The following PXYLP1 variants were observed in gnomAD, a reference collection of about 807,000 sequenced individuals.
The protein encoded by PXYLP1 is acid phosphatase-like 2.
PXYLP1 carries 17 observed loss-of-function variants against 37.9 expected under a neutral mutation model. That is an observed-to-expected ratio of 0.45 (90% CI 0.31 to 0.67). The LOEUF is 0.67. Among genes scored for constraint, PXYLP1 ranks in the 30% least tolerant of loss-of-function variants. PXYLP1 has a pLI of 0.07. For missense variants in PXYLP1, 511 were observed against 612.0 expected, an observed-to-expected ratio of 0.84 and a Z score of 1.74; for synonymous variants, 221 against 232.2, an observed-to-expected ratio of 0.95 and a Z score of 0.44.
chr3:141,277,082 A>G (rs1356456558), intron 2 of PXYLP1, among the ~76,000 whole-genome samples: 1 of 151,900 alleles, frequency 6.6e-6, no homozygotes, highest in Non-Finnish European at 1.5e-5. Flanking sequence ...GATATTAATC[A>G]TTTGTCTGTT....
intron 2 of PXYLP1, among the ~76,000 whole-genome samples, chr3:141,275,160 G>A (rs1941762564): frequency 6.6e-6 from 1 of 152,220 alleles, no homozygotes; most frequent in Non-Finnish European, 1.5e-5. Flanking sequence ...AGTAGACACA[G>A]TTGACAGGCC....
At chr3:141,278,239 G>A (rs995858211) in intron 2 of PXYLP1, 103 bp from the exon 3 acceptor site, 61 of 1,330,330 alleles carry the variant, frequency 4.6e-5, no homozygotes, top group Non-Finnish European at 6.3e-5. Context: ...GATTCTCAGT[G>A]TAAGAATAGC....
At chr3:141,290,831 T>C (rs527741640) in intron 5 of PXYLP1, among the ~76,000 whole-genome samples, 32 of 152,228 alleles carry the variant, frequency 2.1e-4, no homozygotes, top group Admixed American at 3.9e-4. Context: ...ACCTTCTTCA[T>C]TGGGTTTTTG....
At chr3:141,279,091 A>AT (rs1941878414) in intron 3 of PXYLP1, among the ~76,000 whole-genome samples, 1 of 152,206 alleles carries the variant, frequency 6.6e-6, no homozygotes, top group African/African-American at 2.4e-5. Flanking sequence ...AGGCCACATT[A>AT]GTAGTCATGC....
At chr3:141,245,071 A>C (rs1940906617) in intron 1 of PXYLP1, among the ~76,000 whole-genome samples, 1 of 92,536 alleles carries the variant, frequency 1.1e-5, no homozygotes, top group Non-Finnish European at 2.0e-5. Context: ...TTTTTTTGAG[A>C]CAGAGTTTTG....
intron 2 of PXYLP1, chr3:141,262,249 A>C (rs1941409120): frequency 1.0e-6 from 1 of 987,632 alleles, no homozygotes; most frequent in African/African-American, 1.7e-5. Context: ...CCAGAATTGG[A>C]AAAGAGGTCA....
chr3:141,292,988 AAGAC>A lies in PXYLP1; in HGVS notation c.1230_1233del (p.Asp410GlufsTer46). The A allele has an allele frequency of 6.2e-7, 1 of 1,614,222 alleles. No individual in the cohort carries two copies. The highest frequency in any genetic ancestry group is 8.5e-7 in the Non-Finnish European group (1 of 1,180,038). On this transcript the variant is annotated frameshift_variant, in exon 6 of 6. Transcript: ENST00000286353. LOFTEE classifies it high-confidence loss of function. This position sits in a 1 kb window ranked among gnomAD's most constrained non-coding sequence, Gnocchi z 4.3. ...GCCAGGTTGATCTTTGAGCTTTGGC[AAGAC>A]AGAGAAAAGCCCAGTGAACATTCCG...
At chr3:141,253,292 C>T (rs1056896202) in intron 1 of PXYLP1, among the ~76,000 whole-genome samples, 1 of 152,064 alleles carries the variant, frequency 6.6e-6, no homozygotes, top group Non-Finnish European at 1.5e-5. Context: ...GAGAAGCAGA[C>T]CCAGACATGG....
At chr3:141,262,248 GA>G in intron 2 of PXYLP1, 1 of 987,740 alleles carries the variant, frequency 1.0e-6, no homozygotes, top group Non-Finnish European at 1.2e-6. Context: ...TCCAGAATTG[GA>G]AAAGAGGTCA....
chr3:141,272,574 GTA>G lies in PXYLP1; in HGVS notation c.80-5758_80-5757del, dbSNP rs562855605. ...GGGACAGAACTAATGGAATATATAC[GTA>G]TATATATATTTATAAAGGGGAGTTT... On this transcript the variant is annotated intron_variant, in intron 2 of 5. Transcript: ENST00000286353. The G allele has an allele frequency of 1.3e-4, 18 of 143,730 alleles. No individual in the cohort carries two copies. The South Asian group carries it at 3.4e-3, about 27-fold the overall frequency. The allele number at this position is 143,730 out of a possible 1,614,324, so 8.9% of individuals were successfully genotyped here.
intron 4 of PXYLP1, among the ~76,000 whole-genome samples, chr3:141,281,907 G>A (rs1941965101): frequency 6.6e-6 from 1 of 152,190 alleles, no homozygotes; most frequent in African/African-American, 2.4e-5. Context: ...GGTTATCTGA[G>A]GCTTCGATAC....
intron 1 of PXYLP1, among the ~76,000 whole-genome samples, chr3:141,244,875 T>C (rs1191144469): frequency 1.3e-5 from 2 of 151,856 alleles, no homozygotes; most frequent in Admixed American, 1.3e-4. Flanking sequence ...ATGTGCATGT[T>C]TATTGTTTTG....
intron 4 of PXYLP1, among the ~76,000 whole-genome samples, chr3:141,284,120 T>C (rs1221665094): frequency 6.6e-6 from 1 of 152,144 alleles, no homozygotes; most frequent in East Asian, 1.9e-4. Context: ...GCACAGGGAC[T>C]CATGAATGCA....
At chr3:141,237,049 T>C (rs943164587) in intron 1 of PXYLP1, among the ~76,000 whole-genome samples, 10 of 152,212 alleles carry the variant, frequency 6.6e-5, no homozygotes, top group East Asian at 1.9e-4. Flanking sequence ...AAGCCTGCGA[T>C]CTGCTTAGAG....
At chr3:141,256,795 A>G (rs749890047) in intron 1 of PXYLP1, among the ~76,000 whole-genome samples, 3 of 152,156 alleles carry the variant, frequency 2.0e-5, no homozygotes, top group Non-Finnish European at 2.9e-5. Flanking sequence ...ACTACTCCCT[A>G]GCACAAGTAG....
intron 1 of PXYLP1, among the ~76,000 whole-genome samples, chr3:141,239,698 A>C (rs982520740): frequency 6.6e-6 from 1 of 152,196 alleles, no homozygotes; most frequent in Non-Finnish European, 1.5e-5. Context: ...TCTGTGTGCC[A>C]AATGCCCGAA....
chr3:141,274,350 C>A, intron 2 of PXYLP1: 2 of 1,419,822 alleles, frequency 1.4e-6, no homozygotes, highest in Non-Finnish European at 1.8e-6. Context: ...CCTGACCAGG[C>A]CTTACGGGAC....
intron 2 of PXYLP1, among the ~76,000 whole-genome samples, chr3:141,268,158 G>C (rs959449704): frequency 3.7e-5 from 5 of 135,008 alleles, no homozygotes. Flanking sequence ...TTTATATGCG[G>C]GTGGGTGGGG....
At position 141,292,155 on chromosome 3, in the gene PXYLP1, G is replaced by A. The variant is rs1196973744; in HGVS notation, c.506-113G>A. ...TTCCACACCATGGGGAAACAGGCTG[G>A]ATGCCATTCTCTTGCCCTAAAACAC... On this transcript the variant is annotated intron_variant, in intron 5 of 5. Coordinates refer to ENST00000286353, the MANE Select transcript of PXYLP1 (RefSeq NM_001037172.3). The surrounding 1 kb of genome is among the most constrained non-coding windows in gnomAD (Gnocchi z 4.3). The A allele has an allele frequency of 1.0e-6, 1 of 989,210 alleles. No homozygotes were observed. The highest frequency in any genetic ancestry group is 1.5e-6 in the Non-Finnish European group (1 of 665,168). 61.3% of individuals were successfully genotyped at this position (989,210 alleles called of 1,614,324 possible).
Sources: allele counts gnomAD v4.1 joint callset (sites outside exome capture counted in the v4.1 genomes callset), GRCh38; gene constraint gnomAD v4.1.1; non-coding constraint Gnocchi (gnomAD v3.1); transcripts MANE v1.5; gene names NCBI Gene and HGNC (gene_info 2026-07-23, HGNC 2026-07-21).